ZNF845: variants seen among roughly 807,000 people sequenced by gnomAD.
ZNF845 encodes the protein zinc finger protein 845.
ZNF845 carries 59 observed loss-of-function variants against 76.1 expected under a neutral mutation model. The observed-to-expected ratio is 0.78, with a 90% CI of 0.63 to 0.96. The LOEUF is 0.96. Among genes scored for constraint, ZNF845 ranks in the 40% least tolerant of loss-of-function variants. The pLI, the probability that ZNF845 is intolerant of heterozygous loss-of-function variation, is 0.00. For synonymous variants in ZNF845, 361 were observed against 386.9 expected, an observed-to-expected ratio of 0.93 and a Z score of 0.78; for missense variants, 1,045 against 1,172.8, an observed-to-expected ratio of 0.89 and a Z score of 1.59.
At position 53,354,789 on chromosome 19, in the gene ZNF845, A is replaced by G. The variant is rs1475689467; in HGVS notation, c.*1201A>G. On this transcript the variant is annotated 3_prime_UTR_variant, in exon 4 of 4. Coordinates refer to ENST00000458035, the MANE Select transcript of ZNF845 (RefSeq NM_138374.3). ...TTTATTGTTAATGTAAGGAAATTCA[A>G]CTAATTTTGGGTGCTGATTTTGTAT... 6.6e-6 allele frequency: 1 copy of G among 152,232 alleles called. No homozygotes were observed. The highest frequency in any genetic ancestry group is 2.4e-5 in the African/African-American group (1 of 41,448). The allele number at this position is 152,232 out of a possible 1,614,324, so 9.4% of individuals were successfully genotyped here.
chr19:53,334,085 G>A (rs567493466), intron 1 of ZNF845, among the ~76,000 whole-genome samples: 2 of 152,328 alleles, frequency 1.3e-5, no homozygotes, highest in Admixed American at 1.3e-4. Context: ...ACTTTTTAAA[G>A]TCCTTACCGC....
intron 2 of ZNF845, among the ~76,000 whole-genome samples, chr19:53,345,214 G>A (rs1249924506): frequency 6.6e-6 from 1 of 152,088 alleles, no homozygotes; most frequent in Non-Finnish European, 1.5e-5. Flanking sequence ...TACTCATGAG[G>A]CTGAGGCAAG....
chr19:53,353,143 C>T lies in ZNF845; in HGVS notation c.2468C>T (p.Ala823Val), dbSNP rs758251330. 68 of 1,610,264 alleles carry T rather than the reference C, an allele frequency of 4.2e-5. No homozygotes were observed. The highest frequency in any genetic ancestry group is 7.6e-6 in the Non-Finnish European group (9 of 1,177,906). ...AATTCAGCCCTTGTAATTCATAAGG[C>T]AATTCATAGTGGAGAGAAACCTTAC... The part of the protein sequence containing the change: ...RHNSALVIHK[A>V]IHSGEKPYKC... Residue 823 changes from alanine (A) to valine (V), a missense_variant, in exon 4 of 4, where the codon GCA (alanine) becomes GTA (valine). Ala to Val is a moderately conservative substitution (Grantham distance 64). Coordinates refer to ENST00000458035, the MANE Select transcript of ZNF845 (RefSeq NM_138374.3).
chr19:53,345,523 G>A lies in ZNF845; in HGVS notation c.33G>A (p.Arg11=), dbSNP rs1050253383. 6.2e-7 allele frequency: 1 copy of A among 1,613,456 alleles called. No homozygotes were observed. The highest frequency in any genetic ancestry group is 8.5e-7 in the Non-Finnish European group (1 of 1,179,552). ...CATTTCAGGGTCTATTGACATTCAG[G>A]GATGTGGCCATAGAATTCTCTCAGG... MALSQGLLTF[R]DVAIEFSQEE... Residue 11 remains arginine (R), a synonymous_variant, in exon 3 of 4, where the codon AGG becomes AGA. Coordinates refer to ENST00000458035, the MANE Select transcript of ZNF845 (RefSeq NM_138374.3).
intron 2 of ZNF845, among the ~76,000 whole-genome samples, 158 bp downstream of exon 2, chr19:53,341,480 C>G (rs1011469238): frequency 6.6e-6 from 1 of 152,034 alleles, no homozygotes; most frequent in African/African-American, 2.4e-5. Context: ...CGCTTAGATT[C>G]CATCTCTTGT....
In ZNF845 at chr19:53,351,692, G is replaced by C. The variant is rs774323002; in HGVS notation, c.1017G>C (p.Thr339=). ...CNECGKTFSQ[T]SYLVYHRRLH... is the part of the protein sequence containing the mutation. ...AATGTGGCAAGACCTTCAGTCAAAC[G>C]TCATACCTTGTGTACCATCGTAGAC... The change falls in exon 4 of 4, where the codon ACG becomes ACC. Residue 339 remains threonine, a synonymous_variant. Coordinates refer to ENST00000458035, the MANE Select transcript of ZNF845 (RefSeq NM_138374.3). 3 of 1,613,838 alleles carry C rather than the reference G, an allele frequency of 1.9e-6. No homozygotes were observed. Among genetic ancestry groups the C allele is most frequent in the Non-Finnish European group, 2.5e-6 (3 of 1,179,878 alleles).
intron 3 of ZNF845, among the ~76,000 whole-genome samples, chr19:53,347,654 C>G (rs1196341835): frequency 6.6e-6 from 1 of 152,188 alleles, no homozygotes; most frequent in Admixed American, 6.5e-5. Flanking sequence ...TGCAATAGTA[C>G]AGTCTCTAAA....
rs531370723 is a variant in ZNF845 at position 53,353,482 on chromosome 19, T to G, written c.2807T>G (p.Ile936Ser). The G allele has an allele frequency of 5.0e-4, 809 of 1,613,748 alleles. No homozygotes were observed. Among genetic ancestry groups the G allele is most frequent in the Non-Finnish European group, 6.6e-4 (778 of 1,179,878 alleles). ...TCAGTCCTTGTAATTCATAAGACAATTCATACTGGAGAGAAACCTTACAAG... is the reference window on the plus strand; with the variant it reads ...TCAGTCCTTGTAATTCATAAGACAAGTCATACTGGAGAGAAACCTTACAAG... The part of the protein sequence containing the change: ...HNSVLVIHKT[I>S]HTGEKPYKCN... The change falls in exon 4 of 4, where the codon ATT (isoleucine) becomes AGT (serine). Residue 936 changes from isoleucine to serine, a missense_variant. Coordinates refer to ENST00000458035, the MANE Select transcript of ZNF845 (RefSeq NM_138374.3).
intron 1 of ZNF845, among the ~76,000 whole-genome samples, chr19:53,336,552 C>T (rs1047345484): frequency 4.6e-5 from 7 of 151,360 alleles, no homozygotes; most frequent in Non-Finnish European, 7.4e-5. Context: ...GCAAAAGGCA[C>T]ATCAAAAGTG....
intron 3 of ZNF845, among the ~76,000 whole-genome samples, chr19:53,349,289 G>GT (rs1262116654): frequency 6.6e-6 from 1 of 151,556 alleles, no homozygotes; most frequent in Admixed American, 6.6e-5. Context: ...CTTTTTTTCT[G>GT]TTTTTTGTTT....
chr19:53,335,441 T>G (rs2085206614), intron 1 of ZNF845, among the ~76,000 whole-genome samples: 1 of 151,874 alleles, frequency 6.6e-6, no homozygotes, highest in African/African-American at 2.4e-5. Flanking sequence ...TTGTATTTTT[T>G]TTTTGTAGAA....
chr19:53,349,897 T>C (rs2085321829), intron 3 of ZNF845, among the ~76,000 whole-genome samples: 1 of 151,918 alleles, frequency 6.6e-6, no homozygotes, highest in Non-Finnish European at 1.5e-5. Context: ...TGGCCAAGCA[T>C]GGTGATGCAT....
intron 2 of ZNF845, among the ~76,000 whole-genome samples, chr19:53,341,710 G>T (rs535123269): frequency 6.6e-6 from 1 of 152,278 alleles, no homozygotes; most frequent in Admixed American, 6.5e-5. Context: ...GCACAAAGTA[G>T]GTGGTAAATT....
At chr19:53,349,414 G>T (rs567408266) in intron 3 of ZNF845, among the ~76,000 whole-genome samples, 22 of 151,306 alleles carry the variant, frequency 1.5e-4, no homozygotes, top group Non-Finnish European at 2.9e-4. Flanking sequence ...ACTGCCACCC[G>T]CCATCACACC....
At chr19:53,344,735 A>T (rs2085282876) in intron 2 of ZNF845, among the ~76,000 whole-genome samples, 1 of 151,564 alleles carries the variant, frequency 6.6e-6, no homozygotes, top group Non-Finnish European at 1.5e-5. Flanking sequence ...GCTTCAAGCA[A>T]TTCTCCTTCC....
chr19:53,344,045 A>T (rs1222689286), intron 2 of ZNF845, among the ~76,000 whole-genome samples: 2 of 151,634 alleles, frequency 1.3e-5, no homozygotes, highest in Non-Finnish European at 2.9e-5. Flanking sequence ...GGTGAGATTT[A>T]GGATCACTGC....
rs1031474871 is a variant in ZNF845 at position 53,353,558 on chromosome 19, T to C, written c.2883T>C (p.His961=). The change falls in exon 4 of 4, where the codon CAT becomes CAC. Residue 961 remains histidine, a synonymous_variant. Transcript: ENST00000458035. The part of the protein sequence containing the change: ...VFNRKAKLAR[H]HRIHTGKKH ...ATCGAAAAGCAAAACTTGCACGTCA[T>C]CATAGAATTCATACTGGAAAGAAAC... is the stretch of plus-strand genomic sequence containing the variant. The C allele has an allele frequency of 1.1e-5, 18 of 1,603,948 alleles. No individual in the cohort carries two copies. Among genetic ancestry groups the C allele is most frequent in the Non-Finnish European group, 6.0e-6 (7 of 1,174,732 alleles).
rs1490899825 is a variant in ZNF845 at position 53,356,135 on chromosome 19, T to C, written c.*2547T>C. Reference sequence around the variant, plus strand: ...AAAATAAACCAGTATAAACTTGTTATAACGTCTGAACAGGCTCTAGTTTGA... The same window carrying C: ...AAAATAAACCAGTATAAACTTGTTACAACGTCTGAACAGGCTCTAGTTTGA... On this transcript the variant is annotated 3_prime_UTR_variant, in exon 4 of 4. Coordinates refer to ENST00000458035, the MANE Select transcript of ZNF845 (RefSeq NM_138374.3). The C allele has an allele frequency of 6.6e-6, 1 of 152,242 alleles. No individual in the cohort carries two copies. Among genetic ancestry groups the C allele is most frequent in the African/African-American group, 2.4e-5 (1 of 41,466 alleles). 9.4% of individuals were successfully genotyped at this position (152,242 alleles called of 1,614,324 possible).
At chr19:53,338,188 G>T (rs2085229372) in intron 1 of ZNF845, among the ~76,000 whole-genome samples, 1 of 152,038 alleles carries the variant, frequency 6.6e-6, no homozygotes, top group Non-Finnish European at 1.5e-5. Flanking sequence ...CATTTCTTCT[G>T]GAAATTTCAA....
Sources: gnomAD v4.1 joint callset for allele counts (sites outside exome capture counted in the v4.1 genomes callset) on GRCh38, gnomAD v4.1.1 for gene constraint, MANE v1.5 for transcripts, NCBI Gene and HGNC (gene_info 2026-07-23, HGNC 2026-07-21) for gene names.